GALNT17: variants seen among roughly 807,000 people sequenced by gnomAD.
GALNT17 encodes UDP-GalNAc:polypeptide N-acetylgalactosaminyltransferase-like 3.
Under a neutral mutation model 63.7 loss-of-function variants are expected in GALNT17, and 29 were observed. The ratio of observed to expected loss-of-function variants is 0.46; its 90% CI spans 0.34 to 0.62. GALNT17 has a LOEUF of 0.62. Among genes scored for constraint, GALNT17 ranks in the 20% least tolerant of loss-of-function variants. GALNT17 has a pLI of 0.01. For missense variants in GALNT17, 603 were observed against 799.6 expected, an observed-to-expected ratio of 0.75 and a Z score of 2.97; for synonymous variants, 305 against 318.3, an observed-to-expected ratio of 0.96 and a Z score of 0.45.
rs574382367 is a variant in GALNT17 at position 71,196,440 on chromosome 7, CCTT to C, written c.238+63406_238+63408del. Among the ~76,000 whole-genome samples the C allele has an allele frequency of 3.9e-5, 6 of 151,992 alleles. No homozygotes were observed. The South Asian group carries it at 1.0e-3, about 26-fold the overall frequency. The stretch of plus-strand genomic sequence containing the variant: ...TAAGCGTGAGCCACCGCGCCTGGCC[CCTT>C]CTTCTGCTTCTGTTTTGAATCCTCC... On this transcript the variant is annotated intron_variant, in intron 1 of 10. Coordinates refer to ENST00000333538, the MANE Select transcript of GALNT17 (RefSeq NM_022479.3).
At chr7:71,619,475 T>G (rs562636832) in intron 6 of GALNT17, among the ~76,000 whole-genome samples, 7 of 152,356 alleles carry the variant, frequency 4.6e-5, no homozygotes, top group African/African-American at 1.7e-4. Context: ...CTTTCAGCAG[T>G]GTTTTCTAGT....
At chr7:71,515,460 C>G (rs949945918) in intron 5 of GALNT17, among the ~76,000 whole-genome samples, 2 of 152,184 alleles carry the variant, frequency 1.3e-5, no homozygotes, top group Non-Finnish European at 2.9e-5. Context: ...CTTTTACTTT[C>G]TCCTGAGTGG....
intron 1 of GALNT17, among the ~76,000 whole-genome samples, chr7:71,195,303 C>A (rs544598266): frequency 1.3e-5 from 2 of 152,158 alleles, no homozygotes; most frequent in Non-Finnish European, 2.9e-5. Flanking sequence ...GCCACCTCGA[C>A]CTCCTGGCCT....
At chr7:71,603,777 C>T (rs1790003991) in intron 6 of GALNT17, among the ~76,000 whole-genome samples, 1 of 152,028 alleles carries the variant, frequency 6.6e-6, no homozygotes, top group African/African-American at 2.4e-5. Context: ...TAAGTGCCTA[C>T]AGTGGATACT....
chr7:71,518,305 T>C (rs766276984), intron 5 of GALNT17, among the ~76,000 whole-genome samples: 3 of 152,232 alleles, frequency 2.0e-5, no homozygotes, highest in Non-Finnish European at 4.4e-5. Context: ...CCTGTTTCCC[T>C]TGGTTTCTAA....
intron 1 of GALNT17, among the ~76,000 whole-genome samples, chr7:71,237,879 A>G (rs771249142): frequency 6.6e-6 from 1 of 152,058 alleles, no homozygotes; most frequent in African/African-American, 2.4e-5. Context: ...GGACTGGTGG[A>G]CTAGATCTTT....
chr7:71,607,478 A>G (rs1055670695), intron 6 of GALNT17, among the ~76,000 whole-genome samples: 7 of 152,230 alleles, frequency 4.6e-5, no homozygotes, highest in Non-Finnish European at 1.0e-4. Context: ...CAAATTCTCA[A>G]TAAGATAGAG....
At chr7:71,560,874 A>C (rs1584050809) in intron 5 of GALNT17, among the ~76,000 whole-genome samples, 4 of 152,292 alleles carry the variant, frequency 2.6e-5, no homozygotes, top group Admixed American at 2.6e-4. Context: ...TGCCTGTGCC[A>C]GTGGGTATAG....
At chr7:71,424,571 A>G (rs903156797) in intron 5 of GALNT17, among the ~76,000 whole-genome samples, 1 of 152,250 alleles carries the variant, frequency 6.6e-6, no homozygotes. Flanking sequence ...AGTCATGATC[A>G]TGAGTCATTA....
At chr7:71,156,704 GTC>G (rs1048311086) in intron 1 of GALNT17, among the ~76,000 whole-genome samples, 4 of 114,352 alleles carry the variant, frequency 3.5e-5, no homozygotes, top group Admixed American at 1.2e-4. Context: ...CTGTCTCTCT[GTC>G]TCTCTCTCTC....
At chr7:71,693,263 T>TACACACACACAC (rs761584365) in intron 9 of GALNT17, among the ~76,000 whole-genome samples, 7 of 108,896 alleles carry the variant, frequency 6.4e-5, no homozygotes, top group African/African-American at 2.5e-4. Flanking sequence ...CACACACACA[T>TACACACACACAC]ACACACACAC....
intron 5 of GALNT17, among the ~76,000 whole-genome samples, chr7:71,433,025 G>A (rs926578179): frequency 3.9e-5 from 6 of 152,174 alleles, no homozygotes; most frequent in African/African-American, 9.7e-5. Context: ...TGGCCAGGCT[G>A]GTCTCCACAC....
chr7:71,255,646 G>T (rs868362671), intron 1 of GALNT17, among the ~76,000 whole-genome samples: 1 of 152,134 alleles, frequency 6.6e-6, no homozygotes, highest in Admixed American at 6.6e-5. Context: ...AGGGGAGAAG[G>T]TGTCCCCTCT....
At chr7:71,150,431 GA>G (rs1788108349) in intron 1 of GALNT17, among the ~76,000 whole-genome samples, 3 of 152,044 alleles carry the variant, frequency 2.0e-5, no homozygotes, top group African/African-American at 7.2e-5. Flanking sequence ...AGACGGAAGT[GA>G]TGTTTGCTAT....
At position 71,306,913 on chromosome 7, in the gene GALNT17, T is replaced by A. The variant is rs968391698; in HGVS notation, c.239-28637T>A. 2.0e-4 allele frequency among the ~76,000 whole-genome samples: 31 copies of A among 152,170 alleles called. 1 individual carries two copies. The highest frequency in any genetic ancestry group is 7.3e-5 in the Non-Finnish European group (5 of 68,030). On this transcript the variant is annotated intron_variant, in intron 1 of 10. Coordinates refer to ENST00000333538, the MANE Select transcript of GALNT17 (RefSeq NM_022479.3). ...GTCTCAGCTCACTGCAGCCTCTGCC[T>A]CCTGGGTTCATGCCATTCTCCTGCC...
intron 6 of GALNT17, among the ~76,000 whole-genome samples, chr7:71,597,795 G>T (rs570071178): frequency 6.6e-6 from 1 of 152,080 alleles, no homozygotes; most frequent in Admixed American, 6.5e-5. Flanking sequence ...CCGGTGCTTC[G>T]TGATTACCTT....
chr7:71,170,641 C>A (rs1345036532), intron 1 of GALNT17, among the ~76,000 whole-genome samples: 1 of 152,000 alleles, frequency 6.6e-6, no homozygotes, highest in Non-Finnish European at 1.5e-5. Context: ...TGGCCTGAAG[C>A]TTTATTTAAA....
chr7:71,417,075 A>G (rs1220356213), intron 4 of GALNT17, among the ~76,000 whole-genome samples: 1 of 152,142 alleles, frequency 6.6e-6, no homozygotes, highest in East Asian at 1.9e-4. Context: ...AGGTTAAATA[A>G]CCTGTACCCT....
At chr7:71,503,971 A>G (rs945617885) in intron 5 of GALNT17, among the ~76,000 whole-genome samples, 5 of 151,820 alleles carry the variant, frequency 3.3e-5, no homozygotes, top group Non-Finnish European at 7.4e-5. Flanking sequence ...GCTCACGCCT[A>G]TAATCCCAGC....
Sources: allele counts gnomAD v4.1 joint callset (sites outside exome capture counted in the v4.1 genomes callset), GRCh38; gene constraint gnomAD v4.1.1; transcripts MANE v1.5; gene names NCBI Gene and HGNC (gene_info 2026-07-23, HGNC 2026-07-21).